The following SOX6 variants were observed in gnomAD, a reference collection of about 807,000 sequenced individuals.
SOX6 encodes SRY-box transcription factor 6.
In SOX6, 11 loss-of-function variants were observed where a neutral mutation model predicts 97.8. The observed-to-expected ratio is 0.11, with a 90% CI of 0.07 to 0.19. SOX6 has a LOEUF of 0.19. Among genes scored for constraint, SOX6 ranks in the 10% least tolerant of loss-of-function variants. The pLI, the probability that SOX6 is intolerant of heterozygous loss-of-function variation, is 1.00. For missense variants in SOX6, 810 were observed against 1,039.5 expected, an observed-to-expected ratio of 0.78 and a Z score of 3.04; for synonymous variants, 360 against 371.4, an observed-to-expected ratio of 0.97 and a Z score of 0.35.
At chr11:16,395,282 A>G (rs1858318339) in intron 1 of SOX6, among the ~76,000 whole-genome samples, 1 of 151,896 alleles carries the variant, frequency 6.6e-6, no homozygotes, top group South Asian at 2.1e-4. Context: ...ATAATTTCAA[A>G]TTGCAATATC....
intron 6 of SOX6, among the ~76,000 whole-genome samples, chr11:16,183,336 AC>A (rs201523027): frequency 3.9e-5 from 4 of 103,548 alleles, no homozygotes; most frequent in African/African-American, 8.0e-5. Flanking sequence ...TTATTCAGGA[AC>A]AAGTTTTTCT....
At chr11:16,353,076 CAG>C (rs2134362435) in intron 1 of SOX6, among the ~76,000 whole-genome samples, 1 of 152,130 alleles carries the variant, frequency 6.6e-6, no homozygotes, top group African/African-American at 2.4e-5. Context: ...TATTCTTACA[CAG>C]ACAATTATGA....
intron 1 of SOX6, among the ~76,000 whole-genome samples, chr11:16,445,776 C>T (rs1859599250): frequency 2.0e-5 from 3 of 152,080 alleles, no homozygotes; most frequent in Admixed American, 1.3e-4. Context: ...ATAGCTATTA[C>T]ATATTGAACA....
At chr11:15,980,340 G>C (rs1211546926) in intron 15 of SOX6, among the ~76,000 whole-genome samples, 2 of 152,068 alleles carry the variant, frequency 1.3e-5, no homozygotes, top group Non-Finnish European at 2.9e-5. Flanking sequence ...CCTTGGAAGA[G>C]TTCAAGAACT....
chr11:16,186,992 GAAAT>G (rs763721687), intron 4 of SOX6, 37 bp from the exon 5 acceptor site: 1 of 1,611,058 alleles, frequency 6.2e-7, no homozygotes, highest in South Asian at 1.1e-5. Flanking sequence ...ACAAGCTTGA[GAAAT>G]ACCTGGACGA....
intron 4 of SOX6, among the ~76,000 whole-genome samples, chr11:16,539,605 A>T (rs567430719): frequency 6.6e-6 from 1 of 152,090 alleles, no homozygotes; most frequent in Non-Finnish European, 1.5e-5. Flanking sequence ...GAGAGAAGAA[A>T]CAAATAGATG....
At chr11:16,218,218 T>G (rs1328415986) in intron 4 of SOX6, among the ~76,000 whole-genome samples, 1 of 134,398 alleles carries the variant, frequency 7.4e-6, no homozygotes, top group Non-Finnish European at 1.7e-5. Flanking sequence ...AAAGGGCCAC[T>G]TTTTTTTACT....
chr11:15,986,129 C>T, intron 15 of SOX6, 75 bp downstream of exon 15: 2 of 1,331,954 alleles, frequency 1.5e-6, no homozygotes, highest in Non-Finnish European at 2.2e-6. Flanking sequence ...CCTTCCCAAA[C>T]ATACTGCCAG....
chr11:16,506,490 C>T (rs946648193), intron 4 of SOX6, among the ~76,000 whole-genome samples: 24 of 152,140 alleles, frequency 1.6e-4, no homozygotes, highest in African/African-American at 5.8e-4. Flanking sequence ...TCAGATCAGA[C>T]TTTGGACCTG....
intron 2 of SOX6, among the ~76,000 whole-genome samples, chr11:16,716,118 C>A (rs1590062401): frequency 6.6e-6 from 1 of 152,292 alleles, no homozygotes; most frequent in Admixed American, 6.5e-5. Context: ...CACCTGTAAT[C>A]CCAGCTACTT....
At chr11:16,195,302 A>T (rs969855541) in intron 4 of SOX6, among the ~76,000 whole-genome samples, 1 of 152,218 alleles carries the variant, frequency 6.6e-6, no homozygotes, top group African/African-American at 2.4e-5. Context: ...TTGAATTCAC[A>T]TCTTCTGATT....
chr11:16,722,205 A>G (rs1000466702), intron 2 of SOX6, among the ~76,000 whole-genome samples: 1 of 152,228 alleles, frequency 6.6e-6, no homozygotes, highest in Admixed American at 6.5e-5. Flanking sequence ...ACACAGCGAA[A>G]AAAAACTATA....
intron 4 of SOX6, among the ~76,000 whole-genome samples, chr11:16,523,448 C>A (rs1165427748): frequency 6.6e-6 from 1 of 151,934 alleles, no homozygotes; most frequent in East Asian, 1.9e-4. Context: ...AACAAAGACA[C>A]AACATACCAG....
At chr11:16,500,330 T>G (rs1443970118) in intron 4 of SOX6, among the ~76,000 whole-genome samples, 1 of 152,168 alleles carries the variant, frequency 6.6e-6, no homozygotes, top group East Asian at 1.9e-4. Context: ...AAGAGCTATC[T>G]ATGAGAAACC....
intron 6 of SOX6, among the ~76,000 whole-genome samples, chr11:16,127,558 A>G (rs1051300406): frequency 1.3e-5 from 2 of 152,286 alleles, no homozygotes; most frequent in African/African-American, 4.8e-5. Flanking sequence ...AAACATAAAG[A>G]TTATAAAACT....
At chr11:16,595,596 C>A (rs1848203566) in intron 4 of SOX6, among the ~76,000 whole-genome samples, 1 of 125,432 alleles carries the variant, frequency 8.0e-6, no homozygotes, top group African/African-American at 3.1e-5. Flanking sequence ...CAAGATACCA[C>A]CTCTACCAAA....
In SOX6 at chr11:16,096,134, T is replaced by C. The variant is rs1273244940; in HGVS notation, c.979-16A>G. 1 of 1,606,784 alleles carries C rather than the reference T, an allele frequency of 6.2e-7. No individual in the cohort carries two copies. Among genetic ancestry groups the C allele is most frequent in the Non-Finnish European group, 8.5e-7 (1 of 1,176,868 alleles). Reference sequence around the variant, plus strand: ...CATGACCCTTCTGTTTAGTAGCATATTCAGAAAAAAAAAAAAAGACAAAAC... The same window carrying C: ...CATGACCCTTCTGTTTAGTAGCATACTCAGAAAAAAAAAAAAAGACAAAAC... On this transcript the variant is annotated splice_polypyrimidine_tract_variant and intron_variant, in intron 8 of 15. Transcript: ENST00000683767.
At position 15,986,363 on chromosome 11, in the gene SOX6, G is replaced by T; in HGVS notation, c.2024C>A (p.Ala675Asp). Residue 675 changes from alanine to aspartate, a missense_variant, in exon 15 of 16, where the codon GCC becomes GAC. Physicochemically the swap from Ala to Asp is moderately radical, Grantham distance 126 (BLOSUM62 -2). Coordinates refer to ENST00000683767, the MANE Select transcript of SOX6 (RefSeq NM_001367873.1). ...CTCTAAGTGGATCTTGCTTAGCCGG[G>T]CCTGCTCTTCATAATAAGGTTGCTT... ...QEKQPYYEEQ[A>D]RLSKIHLEKY... The T allele has an allele frequency of 6.2e-7, 1 of 1,613,984 alleles. No homozygotes were observed. Among genetic ancestry groups the T allele is most frequent in the Non-Finnish European group, 8.5e-7 (1 of 1,179,982 alleles).
intron 15 of SOX6, among the ~76,000 whole-genome samples, chr11:15,980,539 C>A (rs1853624815): frequency 2.0e-5 from 3 of 152,042 alleles, no homozygotes; most frequent in African/African-American, 7.2e-5. Flanking sequence ...GTTGAAGAAA[C>A]CTGGCTTTCA....
Sources: gnomAD v4.1 joint callset for allele counts (sites outside exome capture counted in the v4.1 genomes callset) on GRCh38, gnomAD v4.1.1 for gene constraint, MANE v1.5 for transcripts, NCBI Gene and HGNC (gene_info 2026-07-23, HGNC 2026-07-21) for gene names.